Variants in KCTD8 observed in about 807,000 individuals in gnomAD.
The protein encoded by KCTD8 is BTB/POZ domain-containing protein KCTD8.
In KCTD8, 27 loss-of-function variants were observed where a neutral mutation model predicts 31.5. The observed-to-expected ratio is 0.86, with a 90% CI of 0.63 to 1.18. KCTD8 has a LOEUF of 1.18. KCTD8 is among the 50% of genes most tolerant of loss of function. The pLI is 0.00. For synonymous variants in KCTD8, 290 were observed against 280.0 expected (o/e 1.04, Z -0.36); for missense variants, 658 against 647.7 (o/e 1.02, Z -0.17).
chr4:44,355,404 C>T (rs1449718914), intron 1 of KCTD8, among the ~76,000 whole-genome samples: 2 of 151,852 alleles, frequency 1.3e-5, no homozygotes, highest in East Asian at 3.9e-4. Context: ...TTTTTTCTTT[C>T]GTCTTTTCCT....
intron 1 of KCTD8, among the ~76,000 whole-genome samples, chr4:44,364,760 G>C (rs558889216): frequency 6.6e-6 from 1 of 152,046 alleles, no homozygotes; most frequent in East Asian, 1.9e-4. Context: ...ATGACATGGA[G>C]GGAACTTAAA....
intron 1 of KCTD8, among the ~76,000 whole-genome samples, chr4:44,197,550 C>A (rs1053160033): frequency 2.0e-5 from 3 of 152,074 alleles, no homozygotes; most frequent in Admixed American, 2.0e-4. Flanking sequence ...AATTAGAAAA[C>A]CAATAATAAT....
intron 1 of KCTD8, among the ~76,000 whole-genome samples, chr4:44,176,414 A>C (rs1713216041): frequency 6.6e-6 from 1 of 152,230 alleles, no homozygotes; most frequent in African/African-American, 2.4e-5. Flanking sequence ...CCTGGCCATC[A>C]GGTCATTTAA....
intron 1 of KCTD8, among the ~76,000 whole-genome samples, chr4:44,288,955 G>T (rs1717185154): frequency 6.6e-6 from 1 of 151,042 alleles, no homozygotes. Flanking sequence ...AAACAATAAA[G>T]GATTCAATTT....
chr4:44,416,667 G>A (rs1721084745), intron 1 of KCTD8, among the ~76,000 whole-genome samples: 1 of 152,122 alleles, frequency 6.6e-6, no homozygotes, highest in African/African-American at 2.4e-5. Context: ...CTTGCCATGT[G>A]ACACAACATT....
At chr4:44,202,114 G>T (rs1714168344) in intron 1 of KCTD8, among the ~76,000 whole-genome samples, 1 of 152,032 alleles carries the variant, frequency 6.6e-6, no homozygotes, top group Non-Finnish European at 1.5e-5. Flanking sequence ...AGTCAGAATG[G>T]TGATTATTGA....
At chr4:44,251,002 T>C (rs1715815966) in intron 1 of KCTD8, among the ~76,000 whole-genome samples, 1 of 151,746 alleles carries the variant, frequency 6.6e-6, no homozygotes, top group Admixed American at 6.6e-5. Context: ...CATTTCAAGA[T>C]CATGAAGATA....
intron 1 of KCTD8, among the ~76,000 whole-genome samples, chr4:44,242,828 C>T (rs1259131834): frequency 1.3e-5 from 2 of 152,032 alleles, no homozygotes; most frequent in Non-Finnish European, 2.9e-5. Flanking sequence ...TCTTCCCCCT[C>T]TTCCTCTTGC....
At chr4:44,374,421 C>T (rs867389059) in intron 1 of KCTD8, among the ~76,000 whole-genome samples, 11 of 152,156 alleles carry the variant, frequency 7.2e-5, no homozygotes, top group Admixed American at 2.6e-4. Context: ...CCATGCAGAC[C>T]ACTTAAGCTT....
At chr4:44,292,518 T>A (rs1717310291) in intron 1 of KCTD8, among the ~76,000 whole-genome samples, 1 of 152,114 alleles carries the variant, frequency 6.6e-6, no homozygotes. Context: ...ACCTATAGGG[T>A]ACTATGCTCT....
At chr4:44,388,412 C>T (rs190075733) in intron 1 of KCTD8, among the ~76,000 whole-genome samples, 13 of 151,904 alleles carry the variant, frequency 8.6e-5, no homozygotes, top group Admixed American at 8.6e-4. Context: ...CACGTATGTT[C>T]ACTGCAGTAC....
chr4:44,418,486 C>T (rs1721132478), intron 1 of KCTD8, among the ~76,000 whole-genome samples: 1 of 151,960 alleles, frequency 6.6e-6, no homozygotes, highest in Admixed American at 6.6e-5. Context: ...GTTTTGTATG[C>T]CTATACTTAA....
chr4:44,180,786 C>T (rs189081652), intron 1 of KCTD8, among the ~76,000 whole-genome samples: 172 of 152,150 alleles, frequency 1.1e-3, no homozygotes, highest in African/African-American at 4.1e-3. Flanking sequence ...GGGTTGTCCC[C>T]TAAGTTCTTT....
At chr4:44,359,417 C>A (rs35287035) in intron 1 of KCTD8, among the ~76,000 whole-genome samples, 46,756 of 151,778 alleles carry the variant, frequency 0.31, 7,922 homozygotes, top group Non-Finnish European at 0.39. Context: ...TTGCATATGC[C>A]AACTTATTTA....
chr4:44,367,845 T>C (rs1365051779), intron 1 of KCTD8, among the ~76,000 whole-genome samples: 1 of 151,302 alleles, frequency 6.6e-6, no homozygotes, highest in East Asian at 2.0e-4. Flanking sequence ...AAGCTTTCAT[T>C]GTAGGTTGCT....
At chr4:44,186,500 G>A (rs1366426111) in intron 1 of KCTD8, among the ~76,000 whole-genome samples, 3 of 152,160 alleles carry the variant, frequency 2.0e-5, no homozygotes, top group Non-Finnish European at 4.4e-5. Context: ...GGGTCTAATT[G>A]AGCTGATTAA....
intron 1 of KCTD8, among the ~76,000 whole-genome samples, chr4:44,248,761 T>C (rs1453396314): frequency 1.3e-5 from 2 of 151,874 alleles, no homozygotes; most frequent in South Asian, 2.1e-4. Flanking sequence ...TTTGGGATGA[T>C]GACACTGAGA....
intron 1 of KCTD8, among the ~76,000 whole-genome samples, chr4:44,265,624 C>G (rs1716323365): frequency 2.0e-5 from 3 of 151,934 alleles, no homozygotes; most frequent in Non-Finnish European, 4.4e-5. Context: ...AAACCAAAGG[C>G]AAAGAAGTTA....
intron 1 of KCTD8, among the ~76,000 whole-genome samples, chr4:44,405,904 T>A (rs1030178225): frequency 6.6e-5 from 10 of 152,016 alleles, no homozygotes; most frequent in African/African-American, 2.4e-4. Flanking sequence ...TAAACAGTTT[T>A]AGTTTCAGGG....
Sources: allele counts gnomAD v4.1 joint callset (sites outside exome capture counted in the v4.1 genomes callset), GRCh38; gene constraint gnomAD v4.1.1; transcripts MANE v1.5; gene names NCBI Gene and HGNC (gene_info 2026-07-23, HGNC 2026-07-21).